The following AFF1 variants were observed in gnomAD, a reference collection of about 807,000 sequenced individuals.
The protein encoded by AFF1 is AF4/FMR2 family member 1.
AFF1 carries 48 observed loss-of-function variants against 121.7 expected under a neutral mutation model. The observed-to-expected ratio is 0.39, with a 90% confidence interval of 0.31 to 0.50. The LOEUF (loss-of-function observed/expected upper bound fraction) is 0.50, where lower values mean the gene tolerates loss of function less well. Among genes scored for constraint, AFF1 ranks in the 20% least tolerant of loss-of-function variants. AFF1 has a pLI of 0.76. For synonymous variants in AFF1, 613 were observed against 563.0 expected, an observed-to-expected ratio of 1.09 and a Z score of -1.26; for missense variants, 1,523 against 1,511.7, an observed-to-expected ratio of 1.01 and a Z score of -0.12.
intron 4 of AFF1, among the ~76,000 whole-genome samples, chr4:87,054,321 G>A (rs913643647): frequency 1.3e-5 from 2 of 152,156 alleles, no homozygotes; most frequent in African/African-American, 2.4e-5. Context: ...TGTGGGTCTC[G>A]GGCACAAGGA....
intron 2 of AFF1, among the ~76,000 whole-genome samples, chr4:87,035,351 GGAGATC>G (rs1729455294): frequency 1.3e-5 from 2 of 152,144 alleles, no homozygotes; most frequent in South Asian, 4.1e-4. Context: ...CACGAGGTCA[GGAGATC>G]GAGACCATCC....
intron 4 of AFF1, among the ~76,000 whole-genome samples, chr4:87,076,974 G>C (rs1475453513): frequency 6.6e-6 from 1 of 152,078 alleles, no homozygotes; most frequent in African/African-American, 2.4e-5. Context: ...CCTCTAATCT[G>C]TCTCTTAGAA....
At chr4:87,112,402 A>G (rs1726627704) in intron 11 of AFF1, among the ~76,000 whole-genome samples, 1 of 152,252 alleles carries the variant, frequency 6.6e-6, no homozygotes. Context: ...CGTAAGGAAG[A>G]TAATGTTATC....
At chr4:87,125,842 G>T (rs901910557) in intron 13 of AFF1, among the ~76,000 whole-genome samples, 1 of 152,150 alleles carries the variant, frequency 6.6e-6, no homozygotes, top group Non-Finnish European at 1.5e-5. Flanking sequence ...TGAAGCAGGC[G>T]TTCGGAATGG....
intron 2 of AFF1, among the ~76,000 whole-genome samples, chr4:86,999,931 G>T (rs892879798): frequency 6.6e-6 from 1 of 152,104 alleles, no homozygotes; most frequent in African/African-American, 2.4e-5. Flanking sequence ...GAAAATAGAT[G>T]ATGAGCCTGG....
chr4:87,029,799 T>C (rs756184763), intron 2 of AFF1, among the ~76,000 whole-genome samples: 2 of 152,182 alleles, frequency 1.3e-5, no homozygotes, highest in Middle Eastern at 3.2e-3. Context: ...TTTCCCACAC[T>C]TCCATCAACA....
intron 4 of AFF1, among the ~76,000 whole-genome samples, chr4:87,079,961 T>C (rs1723014307): frequency 6.6e-6 from 1 of 152,210 alleles, no homozygotes; most frequent in Non-Finnish European, 1.5e-5. Context: ...CAATTGATGG[T>C]ACCAAATTGA....
chr4:87,112,374 G>A (rs1242348915), intron 11 of AFF1, among the ~76,000 whole-genome samples: 1 of 152,132 alleles, frequency 6.6e-6, no homozygotes, highest in Non-Finnish European at 1.5e-5. Context: ...GTATACAGTT[G>A]ACATAAGCGA....
At chr4:87,094,577 C>A (rs1028317055) in intron 7 of AFF1, among the ~76,000 whole-genome samples, 4 of 152,072 alleles carry the variant, frequency 2.6e-5, no homozygotes, top group Non-Finnish European at 5.9e-5. Context: ...CACATGGGAC[C>A]CAGGGCGCTG....
intron 10 of AFF1, among the ~76,000 whole-genome samples, chr4:87,106,498 G>A (rs1674999): frequency 0.57 from 86,876 of 152,094 alleles, 25,142 homozygotes; most frequent in Middle Eastern, 0.69. Context: ...CAGATTTGCT[G>A]TTTTCAATAA....
chr4:86,985,870 AC>A (rs1186422603), intron 2 of AFF1, among the ~76,000 whole-genome samples: 1 of 151,976 alleles, frequency 6.6e-6, no homozygotes, highest in East Asian at 1.9e-4. Context: ...AGAAAAAAAA[AC>A]TAATAAAAAG....
rs142751496 is a variant in AFF1 at position 87,049,307 on chromosome 4, T to C, written c.1059+1713T>C. On this transcript the variant is annotated intron_variant, in intron 4 of 20. Coordinates refer to ENST00000395146, the MANE Select transcript of AFF1 (RefSeq NM_001166693.3). ...GATCAGCCTACACTTATGAAACAAT[T>C]AGAGAACAATTGAGTTTTCTCTCTC... Among the ~76,000 whole-genome samples the C allele has an allele frequency of 2.1e-3, 316 of 152,264 alleles. 3 individuals carry two copies. The highest frequency in any genetic ancestry group is 7.3e-3 in the African/African-American group (302 of 41,540).
chr4:87,140,761 A>G lies in AFF1; in HGVS notation c.*5060A>G. On this transcript the variant is annotated 3_prime_UTR_variant, in exon 21 of 21. Transcript: ENST00000395146. ...TCCATGTATTTTACCTACTTCAGCAATGGAACTGCAACTTGGGGCTTTGTG... is the reference window on the plus strand; with the variant it reads ...TCCATGTATTTTACCTACTTCAGCAGTGGAACTGCAACTTGGGGCTTTGTG... The G allele has an allele frequency of 5.3e-6, 1 of 190,234 alleles. No individual in the cohort carries two copies. Among genetic ancestry groups the G allele is most frequent in the Admixed American group, 6.2e-5 (1 of 16,222 alleles). 11.8% of individuals were successfully genotyped at this position (190,234 alleles called of 1,614,324 possible). A position where few individuals can be genotyped will look rare whatever the true frequency, so the allele number is the denominator to read the frequency against.
At chr4:87,115,719 C>G (rs1727051267) in intron 12 of AFF1, among the ~76,000 whole-genome samples, 1 of 144,060 alleles carries the variant, frequency 6.9e-6, no homozygotes, top group Non-Finnish European at 1.5e-5. Context: ...AACGATCCTC[C>G]TACCTCAGCC....
intron 2 of AFF1, among the ~76,000 whole-genome samples, chr4:87,034,047 G>A (rs1729320613): frequency 6.6e-6 from 1 of 152,174 alleles, no homozygotes; most frequent in South Asian, 2.1e-4. Context: ...TGAGTAGGCA[G>A]GATCATTTTA....
At chr4:86,987,434 CT>C (rs1724376285) in intron 2 of AFF1, among the ~76,000 whole-genome samples, 1 of 152,140 alleles carries the variant, frequency 6.6e-6, no homozygotes, top group Non-Finnish European at 1.5e-5. Context: ...AACATAACAG[CT>C]CTGGGCCTTG....
chr4:87,012,537 A>G (rs909048490), intron 2 of AFF1, among the ~76,000 whole-genome samples: 6 of 152,140 alleles, frequency 3.9e-5, no homozygotes, highest in African/African-American at 7.2e-5. Context: ...ATGATTACCA[A>G]TCGTTTTTAC....
intron 12 of AFF1, among the ~76,000 whole-genome samples, chr4:87,122,377 C>G (rs551714979): frequency 6.6e-6 from 1 of 152,214 alleles, no homozygotes; most frequent in African/African-American, 2.4e-5. Context: ...CCATTATTCA[C>G]TGTCTCTCAA....
intron 2 of AFF1, among the ~76,000 whole-genome samples, chr4:86,997,150 G>T (rs1022743271): frequency 2.0e-5 from 3 of 152,154 alleles, no homozygotes; most frequent in African/African-American, 7.2e-5. Context: ...GAGGTCAGGT[G>T]ATCCGCCCGC....
Sources: gnomAD v4.1 joint callset for allele counts (sites outside exome capture counted in the v4.1 genomes callset) on GRCh38, gnomAD v4.1.1 for gene constraint, MANE v1.5 for transcripts, NCBI Gene and HGNC (gene_info 2026-07-23, HGNC 2026-07-21) for gene names.